Variants in SELENOT observed in about 807,000 individuals in gnomAD.
SELENOT encodes selenoprotein T.
In SELENOT, 9 loss-of-function variants were observed where a neutral mutation model predicts 24.3. The ratio of observed to expected loss-of-function variants is 0.37; its 90% confidence interval spans 0.22 to 0.65. The LOEUF (loss-of-function observed/expected upper bound fraction) is 0.65. Ranked by LOEUF, SELENOT falls within the 30% of genes least tolerant of loss-of-function variation. SELENOT has a pLI of 0.60. For missense variants in SELENOT, 166 were observed against 247.6 expected (o/e 0.67, Z 2.21); for synonymous variants, 81 against 86.0 (o/e 0.94, Z 0.32).
intron 1 of SELENOT, among the ~76,000 whole-genome samples, chr3:150,614,393 G>A (rs747481215): frequency 6.8e-4 from 102 of 150,698 alleles, no homozygotes; most frequent in Middle Eastern, 6.9e-3. Context: ...GGTCAGATGT[G>A]ACTAGAAATG....
At chr3:150,613,162 G>C (rs1726133719) in intron 1 of SELENOT, among the ~76,000 whole-genome samples, 1 of 152,132 alleles carries the variant, frequency 6.6e-6, no homozygotes, top group African/African-American at 2.4e-5. Flanking sequence ...CATAGTTCTG[G>C]AGGCTGGGAA....
chr3:150,626,853 C>T, intron 4 of SELENOT, 157 bp from the exon 5 acceptor site: 1 of 626,012 alleles, frequency 1.6e-6, no homozygotes, highest in Non-Finnish European at 2.7e-6. Flanking sequence ...TTGACATTTC[C>T]CCTACTGGAA....
At chr3:150,610,646 A>G (rs888330286) in intron 1 of SELENOT, among the ~76,000 whole-genome samples, 1 of 152,146 alleles carries the variant, frequency 6.6e-6, no homozygotes, top group African/African-American at 2.4e-5. Flanking sequence ...GCATTACCTT[A>G]TAATTGTTCC....
At chr3:150,608,453 T>A (rs1033874510) in intron 1 of SELENOT, among the ~76,000 whole-genome samples, 1 of 152,196 alleles carries the variant, frequency 6.6e-6, no homozygotes. Flanking sequence ...TTGTTTGTTA[T>A]TGTTTTTTTA....
intron 4 of SELENOT, among the ~76,000 whole-genome samples, chr3:150,626,026 C>T (rs1726435123): frequency 6.6e-6 from 1 of 152,076 alleles, no homozygotes; most frequent in Non-Finnish European, 1.5e-5. Flanking sequence ...CCTGCCACCA[C>T]GCCTGGCTAA....
Position 150,628,034 on chromosome 3 carries a change from ATT to A in SELENOT, c.*407_*408del, listed in dbSNP as rs1726480879. ...AAATCTGTTGTGCTTTTATATGAAT[ATT>A]TGTTTTTTATAGTTTAAAATTGATC... On this transcript the variant is annotated 3_prime_UTR_variant, in exon 6 of 6. Transcript: ENST00000471696. The A allele has an allele frequency of 6.6e-6, 1 of 152,098 alleles. No homozygotes were observed. The allele number at this position is 152,098 out of a possible 1,614,324, so 9.4% of individuals were successfully genotyped here.
chr3:150,611,625 T>C, intron 1 of SELENOT: 1 of 1,554,342 alleles, frequency 6.4e-7, no homozygotes, highest in Non-Finnish European at 8.9e-7. Flanking sequence ...CAGCTCGATC[T>C]TCACCTTCTG....
chr3:150,624,830 G>A lies in SELENOT; in HGVS notation c.394G>A (p.Val132Ile), dbSNP rs769037972. The change falls in exon 4 of 6, where the codon GTT (valine) becomes ATT (isoleucine). Residue 132 changes from valine (V) to isoleucine (I), a missense_variant. Around this residue, in one of 5 missense-constraint regions of SELENOT, gnomAD observed 3 missense variants for 20.9 expected, o/e 0.14. Coordinates refer to ENST00000471696, the MANE Select transcript of SELENOT (RefSeq NM_016275.5). Reference sequence around the variant, plus strand: ...CTTTTAGGTTTATGCATGTATGATGGTTTTCTTCTTGAGCAACATGATTGA... The same window carrying A: ...CTTTTAGGTTTATGCATGTATGATGATTTTCTTCTTGAGCAACATGATTGA... Reference protein sequence around the residue: ...QENKVYACMMVFFLSNMIENQ... With the variant: ...QENKVYACMMIFFLSNMIENQ... 10 of 1,556,848 alleles carry A rather than the reference G, an allele frequency of 6.4e-6. No homozygotes were observed. Among genetic ancestry groups the A allele is most frequent in the African/African-American group, 1.4e-5 (1 of 73,580 alleles).
rs373266667 is a variant in SELENOT, at chr3:150,623,172, A to G, written c.375+3A>G. The G allele has an allele frequency of 1.3e-6, 2 of 1,593,318 alleles. No individual in the cohort carries two copies. Among genetic ancestry groups the G allele is most frequent in the African/African-American group, 1.4e-5 (1 of 74,000 alleles). On this transcript the variant is annotated splice_donor_region_variant and intron_variant, in intron 3 of 5. Coordinates refer to ENST00000471696, the MANE Select transcript of SELENOT (RefSeq NM_016275.5). ...GGCAGTGGGGCCAAGAAAATAAGGTATGTAACTTAATAGCTTTGGTAACTG... is the reference window on the plus strand; with the variant it reads ...GGCAGTGGGGCCAAGAAAATAAGGTGTGTAACTTAATAGCTTTGGTAACTG...
chr3:150,615,495 G>A (rs1559896618), intron 1 of SELENOT, among the ~76,000 whole-genome samples: 1 of 152,070 alleles, frequency 6.6e-6, no homozygotes, highest in Non-Finnish European at 1.5e-5. Flanking sequence ...GTGTAAAAGT[G>A]TTCTTATTTC....
intron 1 of SELENOT, among the ~76,000 whole-genome samples, chr3:150,621,471 T>A (rs1476570612): frequency 6.6e-6 from 1 of 152,140 alleles, no homozygotes; most frequent in Non-Finnish European, 1.5e-5. Flanking sequence ...TACCAAGTGG[T>A]ACCTTATGAT....
rs1726502916 is a variant in SELENOT at position 150,629,164 on chromosome 3, ATGGTCT to A, written c.*1538_*1543del. ...ATATTTGTTGAATGCATGTCAGGTA[ATGGTCT>A]TGATTGTGATAGCTTCAAGGTGGAA... On this transcript the variant is annotated 3_prime_UTR_variant, in exon 6 of 6. Transcript: ENST00000471696. The A allele has an allele frequency of 6.6e-6, 1 of 152,184 alleles. No homozygotes were observed. Among genetic ancestry groups the A allele is most frequent in the Non-Finnish European group, 1.5e-5 (1 of 68,022 alleles). 9.4% of individuals were successfully genotyped at this position (152,184 alleles called of 1,614,324 possible).
chr3:150,620,632 C>T (rs1226627595), intron 1 of SELENOT, among the ~76,000 whole-genome samples: 3 of 152,120 alleles, frequency 2.0e-5, no homozygotes, highest in Non-Finnish European at 4.4e-5. Context: ...TTCATTTTTC[C>T]CCCGTTCATC....
chr3:150,629,712 CTT>C lies in SELENOT; in HGVS notation c.*2086_*2087del, dbSNP rs763886623. 5 of 152,516 alleles carry C rather than the reference CTT, an allele frequency of 3.3e-5. No individual in the cohort carries two copies. The highest frequency in any genetic ancestry group is 3.8e-4 in the East Asian group (2 of 5,196). 9.4% of individuals were successfully genotyped at this position (152,516 alleles called of 1,614,324 possible). ...TCAGCTGTGTTGTTGACGCTCATCT[CTT>C]TTGTCTTACGCTTAGCCATATTTAA... On this transcript the variant is annotated 3_prime_UTR_variant, in exon 6 of 6. Coordinates refer to ENST00000471696, the MANE Select transcript of SELENOT (RefSeq NM_016275.5).
At chr3:150,615,934 G>A (rs1296053402) in intron 1 of SELENOT, among the ~76,000 whole-genome samples, 1 of 151,288 alleles carries the variant, frequency 6.6e-6, no homozygotes, top group Non-Finnish European at 1.5e-5. Flanking sequence ...GCATCACACT[G>A]CCTGACTTCA....
At position 150,611,486 on chromosome 3, in the gene SELENOT, G is replaced by A. The variant is rs1726090728; in HGVS notation, c.137+7987G>A. ...TGTAATTGGTATAAATCAACCTCTG[G>A]GGTATCGAAATCTTGAACAGGTGAA... On this transcript the variant is annotated intron_variant, in intron 1 of 5. Coordinates refer to ENST00000471696, the MANE Select transcript of SELENOT (RefSeq NM_016275.5). 6.8e-6 allele frequency: 8 copies of A among 1,173,528 alleles called. No homozygotes were observed. The Admixed American group carries it at 1.3e-4, about 20-fold the overall frequency. 72.7% of individuals were successfully genotyped at this position (1,173,528 alleles called of 1,614,324 possible).
intron 1 of SELENOT, chr3:150,611,830 G>T: frequency 1.1e-6 from 1 of 930,844 alleles, no homozygotes. Context: ...GACCACAGCG[G>T]CCACTGCGGC....
chr3:150,621,570 A>G lies in SELENOT; in HGVS notation c.138-815A>G, dbSNP rs560178293. Reference sequence around the variant, plus strand: ...TAAGTTCTTCTGTTGATATAAATGTACCATCTTCTTTTTTATCTCATATGC... The same window carrying G: ...TAAGTTCTTCTGTTGATATAAATGTGCCATCTTCTTTTTTATCTCATATGC... On this transcript the variant is annotated intron_variant, in intron 1 of 5. Coordinates refer to ENST00000471696, the MANE Select transcript of SELENOT (RefSeq NM_016275.5). Among the ~76,000 whole-genome samples the G allele has an allele frequency of 2.2e-5, 3 of 135,282 alleles. No homozygotes were observed. The South Asian group carries it at 6.9e-4, about 31-fold the overall frequency. The allele number at this position is 135,282 out of a possible 152,430, so 88.8% of individuals were successfully genotyped here.
intron 1 of SELENOT, chr3:150,611,820 G>T (rs1407148060): frequency 2.1e-6 from 2 of 952,354 alleles, no homozygotes; most frequent in South Asian, 1.5e-5. Flanking sequence ...AGGCACTGGC[G>T]ACCACAGCGG....
Sources: allele counts gnomAD v4.1 joint callset (sites outside exome capture counted in the v4.1 genomes callset), GRCh38; gene constraint gnomAD v4.1.1; regional missense constraint gnomAD v4.1.1; transcripts MANE v1.5; gene names NCBI Gene and HGNC (gene_info 2026-07-23, HGNC 2026-07-21).